The following TBC1D5 variants were observed in gnomAD, a reference collection of about 807,000 sequenced individuals.
TBC1D5 encodes TBC1 domain family, member 5.
Under a neutral mutation model 100.3 loss-of-function variants are expected in TBC1D5, and 75 were observed. The observed-to-expected ratio is 0.75, with a 90% confidence interval of 0.62 to 0.91. TBC1D5 has a LOEUF of 0.91. Ranked by LOEUF, TBC1D5 falls within the 40% of genes least tolerant of loss-of-function variation. TBC1D5 has a pLI of 0.00. For synonymous variants in TBC1D5, 323 were observed against 325.6 expected (o/e 0.99, Z 0.09); for missense variants, 910 against 942.4 (o/e 0.97, Z 0.45).
chr3:17,667,491 G>A (rs1228459223), intron 1 of TBC1D5, among the ~76,000 whole-genome samples: 1 of 151,324 alleles, frequency 6.6e-6, no homozygotes, highest in Non-Finnish European at 1.5e-5. Flanking sequence ...TTAATGAGAC[G>A]GGAGTCCAGA....
chr3:17,558,478 C>CA lies in TBC1D5; in HGVS notation c.-35-49874dup, dbSNP rs1245443418. 2.6e-5 allele frequency among the ~76,000 whole-genome samples: 4 copies of CA among 151,502 alleles called. No individual in the cohort carries two copies. The East Asian group carries it at 5.8e-4, about 22-fold the overall frequency. On this transcript the variant is annotated intron_variant, in intron 2 of 21. Coordinates refer to ENST00000253692, the Ensembl canonical transcript of TBC1D5. ...TAAATAATAAAATAATTTAAAAGGC[C>CA]AAAAAAATAATGAATTTCAATGTGA...
chr3:17,423,195 A>C (rs796123527), intron 4 of TBC1D5, among the ~76,000 whole-genome samples: 7 of 152,238 alleles, frequency 4.6e-5, no homozygotes, highest in African/African-American at 1.7e-4. Flanking sequence ...AAGGAAAAAA[A>C]CAAACAACAA....
intron 13 of TBC1D5, among the ~76,000 whole-genome samples, chr3:17,347,641 C>T (rs2090067873): frequency 6.6e-6 from 1 of 151,882 alleles, no homozygotes; most frequent in Non-Finnish European, 1.5e-5. Flanking sequence ...AAAATCCCTA[C>T]ACTTTCTATC....
chr3:17,257,773 G>A (rs2077854824), intron 16 of TBC1D5, among the ~76,000 whole-genome samples: 1 of 152,136 alleles, frequency 6.6e-6, no homozygotes, highest in African/African-American at 2.4e-5. Flanking sequence ...TAGGCTCTTG[G>A]AATTCTACTG....
At chr3:17,188,158 A>T (rs147005341) in intron 18 of TBC1D5, among the ~76,000 whole-genome samples, 229 of 152,304 alleles carry the variant, frequency 1.5e-3, no homozygotes, top group African/African-American at 5.1e-3. Context: ...CAGGAACATT[A>T]CTGTAATAAA....
At chr3:17,533,889 C>CAGATAGATAGATAGAT (rs575715302) in intron 2 of TBC1D5, among the ~76,000 whole-genome samples, 3,084 of 151,926 alleles carry the variant, frequency 0.02, 95 homozygotes, top group African/African-American at 0.068. Flanking sequence ...ACCTATCATT[C>CAGATAGATAGATAGAT]AGATAGATAG....
intron 17 of TBC1D5, among the ~76,000 whole-genome samples, chr3:17,227,784 C>T (rs527588008): frequency 8.3e-4 from 126 of 151,332 alleles, no homozygotes; most frequent in African/African-American, 2.8e-3. Flanking sequence ...ATCTGTTTAG[C>T]AAACCCCCAT....
intron 9 of TBC1D5, 147 bp from the exon 10 acceptor site, chr3:17,376,760 C>G: frequency 1.8e-6 from 1 of 546,258 alleles, no homozygotes; most frequent in Non-Finnish European, 3.1e-6. Context: ...CGGAAAGCTA[C>G]AAGATGAGAT....
intron 16 of TBC1D5, among the ~76,000 whole-genome samples, chr3:17,254,678 T>A (rs930113147): frequency 2.6e-5 from 4 of 150,974 alleles, no homozygotes; most frequent in Non-Finnish European, 4.4e-5. Flanking sequence ...ACCTTTAATT[T>A]TAAGTTCATT....
At chr3:17,700,501 T>C (rs565838054) in intron 1 of TBC1D5, among the ~76,000 whole-genome samples, 5 of 148,560 alleles carry the variant, frequency 3.4e-5, no homozygotes, top group African/African-American at 5.0e-5. Context: ...AACTAAAGAG[T>C]TTCTGCACAG....
chr3:17,447,798 G>C (rs1001565197), intron 3 of TBC1D5, among the ~76,000 whole-genome samples: 1 of 152,142 alleles, frequency 6.6e-6, no homozygotes, highest in African/African-American at 2.4e-5. Context: ...CATCAAAGTA[G>C]ATAATAACGT....
At chr3:17,701,516 T>C (rs932686061) in intron 1 of TBC1D5, among the ~76,000 whole-genome samples, 3 of 152,128 alleles carry the variant, frequency 2.0e-5, no homozygotes, top group Non-Finnish European at 4.4e-5. Flanking sequence ...ACAACTGTAG[T>C]TCCAGCTACT....
chr3:17,711,462 T>A (rs2074727662), intron 1 of TBC1D5, among the ~76,000 whole-genome samples: 1 of 152,178 alleles, frequency 6.6e-6, no homozygotes, highest in Admixed American at 6.5e-5. Flanking sequence ...TCTAATCTTC[T>A]GCCCCCCTCA....
At position 17,428,409 on chromosome 3, in the gene TBC1D5, GTGTATA is replaced by G. The variant is rs767458639; in HGVS notation, c.167+35_167+40del. The G allele has an allele frequency of 4.9e-3, 1,855 of 382,064 alleles. 4 individuals are homozygous for G. Among genetic ancestry groups the G allele is most frequent in the African/African-American group, 0.012 (471 of 40,882 alleles). The allele number at this position is 382,064 out of a possible 1,614,324, so 23.7% of individuals were successfully genotyped here. A position where few individuals can be genotyped will look rare whatever the true frequency, so the allele number is the denominator to read the frequency against. On this transcript the variant is annotated intron_variant, in intron 4 of 21. Transcript: ENST00000253692. ...TATAATATTATATGTGTGTGTGTGTGTGTATATATATATATATATATATATGTATTC... is the reference window on the plus strand; with the variant it reads ...TATAATATTATATGTGTGTGTGTGTGTATATATATATATATATATGTATTC...
chr3:17,291,864 A>C (rs773453745), intron 15 of TBC1D5, 31 bp downstream of exon 15: 1 of 1,585,852 alleles, frequency 6.3e-7, no homozygotes, highest in South Asian at 1.1e-5. Context: ...ACCCAACTTA[A>C]AATTATGCAT....
At chr3:17,163,578 A>G (rs1452747746) in intron 21 of TBC1D5, among the ~76,000 whole-genome samples, 2 of 152,208 alleles carry the variant, frequency 1.3e-5, no homozygotes, top group African/African-American at 4.8e-5. Context: ...AGCCATGATC[A>G]TCACAACACA....
intron 18 of TBC1D5, among the ~76,000 whole-genome samples, chr3:17,209,038 A>AAG (rs1428270912): frequency 6.6e-6 from 1 of 152,248 alleles, no homozygotes; most frequent in Non-Finnish European, 1.5e-5. Context: ...TCCTGTTATG[A>AAG]AGAACAGTTC....
intron 18 of TBC1D5, among the ~76,000 whole-genome samples, chr3:17,205,735 G>T (rs559562928): frequency 6.6e-6 from 1 of 152,118 alleles, no homozygotes; most frequent in African/African-American, 2.4e-5. Flanking sequence ...AAGCCTGCTG[G>T]GGAATTCCCA....
At chr3:17,307,453 C>G (rs1044317019) in intron 14 of TBC1D5, among the ~76,000 whole-genome samples, 1 of 152,124 alleles carries the variant, frequency 6.6e-6, no homozygotes, top group Non-Finnish European at 1.5e-5. Flanking sequence ...TTACAGACAC[C>G]ATAACATACA....
Sources: gnomAD v4.1 joint callset for allele counts (sites outside exome capture counted in the v4.1 genomes callset) on GRCh38, gnomAD v4.1.1 for gene constraint, MANE v1.5 for transcripts, NCBI Gene and HGNC (gene_info 2026-07-23, HGNC 2026-07-21) for gene names.